The following KIF6 variants were observed in gnomAD, a reference collection of about 807,000 sequenced individuals.
KIF6 encodes kinesin-like protein KIF6.
In KIF6, 106 loss-of-function variants were observed where a neutral mutation model predicts 112.7. That is an observed-to-expected ratio of 0.94 (90% CI 0.80 to 1.11). The LOEUF (loss-of-function observed/expected upper bound fraction) is 1.11. KIF6 is among the 50% of genes least tolerant of loss of function. KIF6 has a pLI of 0.00. For missense variants in KIF6, 929 were observed against 964.0 expected, an observed-to-expected ratio of 0.96 and a Z score of 0.48; for synonymous variants, 339 against 339.9, an observed-to-expected ratio of 1.00 and a Z score of 0.03.
chr6:39,648,986 CCT>C (rs1192221499), intron 3 of KIF6, among the ~76,000 whole-genome samples: 1 of 144,512 alleles, frequency 6.9e-6, no homozygotes, highest in East Asian at 2.0e-4. Context: ...ATAGCAAGAC[CCT>C]GTCTCTGCCA....
At chr6:39,453,180 G>A (rs1772816547) in intron 13 of KIF6, among the ~76,000 whole-genome samples, 1 of 152,146 alleles carries the variant, frequency 6.6e-6, no homozygotes, top group East Asian at 1.9e-4. Flanking sequence ...TTCATTAATG[G>A]TCTTTGGCTG....
intron 22 of KIF6, among the ~76,000 whole-genome samples, chr6:39,337,146 T>TTCTC (rs1197653120): frequency 3.3e-5 from 4 of 121,146 alleles, no homozygotes; most frequent in Admixed American, 2.4e-4. Flanking sequence ...CTTCCTTCCT[T>TTCTC]TCTCTTTCTT....
chr6:39,510,536 C>A lies in KIF6; in HGVS notation c.1645+29467G>T, dbSNP rs1267460681. 2.0e-5 allele frequency among the ~76,000 whole-genome samples: 3 copies of A among 152,086 alleles called. No individual in the cohort carries two copies. In the East Asian group the frequency reaches 5.8e-4, roughly 29 times the overall value. ...CCACCAAGCCTTCCTTACCAGAGCT[C>A]CCGAAGGAATCACTAAACATGGAAA... On this transcript the variant is annotated intron_variant, in intron 13 of 22. Transcript: ENST00000287152.
intron 13 of KIF6, among the ~76,000 whole-genome samples, chr6:39,466,154 T>C (rs1170987953): frequency 6.6e-6 from 1 of 152,244 alleles, no homozygotes; most frequent in African/African-American, 2.4e-5. Flanking sequence ...CAATCAGGTT[T>C]GCTGAATACA....
At chr6:39,561,611 G>C (rs1003085829) in intron 10 of KIF6, among the ~76,000 whole-genome samples, 2 of 152,004 alleles carry the variant, frequency 1.3e-5, no homozygotes, top group Non-Finnish European at 2.9e-5. Context: ...GCCTGCCTTG[G>C]CTCCCAAAGT....
chr6:39,585,948 A>G (rs1046702779), intron 8 of KIF6, among the ~76,000 whole-genome samples: 2 of 152,200 alleles, frequency 1.3e-5, no homozygotes, highest in African/African-American at 4.8e-5. Flanking sequence ...AGAGAAGCGG[A>G]TGGGTCAGCT....
chr6:39,340,942 C>T (rs560816394), intron 22 of KIF6, among the ~76,000 whole-genome samples: 55 of 152,230 alleles, frequency 3.6e-4, no homozygotes, highest in Non-Finnish European at 6.0e-4. Context: ...CCTGCGTATC[C>T]AAGCCTTCCT....
At chr6:39,579,433 T>C (rs1028698831) in intron 9 of KIF6, among the ~76,000 whole-genome samples, 4 of 152,280 alleles carry the variant, frequency 2.6e-5, no homozygotes, top group Non-Finnish European at 5.9e-5. Flanking sequence ...GTTTTTCCTT[T>C]CCTTATTGAT....
intron 13 of KIF6, among the ~76,000 whole-genome samples, chr6:39,482,939 C>T (rs529230274): frequency 4.6e-5 from 7 of 152,190 alleles, no homozygotes; most frequent in Non-Finnish European, 5.9e-5. Flanking sequence ...GGTCTTATGA[C>T]CAACCTAGAA....
intron 13 of KIF6, among the ~76,000 whole-genome samples, chr6:39,512,799 C>T (rs187151006): frequency 6.6e-6 from 1 of 152,266 alleles, no homozygotes; most frequent in Non-Finnish European, 1.5e-5. Context: ...AGACTATGGT[C>T]TTATTGCAAA....
intron 16 of KIF6, among the ~76,000 whole-genome samples, chr6:39,370,935 T>G (rs1314617918): frequency 6.6e-6 from 1 of 152,076 alleles, no homozygotes; most frequent in African/African-American, 2.4e-5. Flanking sequence ...GGGTTACTAC[T>G]GTGTTTCTGT....
Position 39,343,318 on chromosome 6 carries a change from A to C in KIF6, c.2428+391T>G, listed in dbSNP as rs937867829. 18 of 1,295,254 alleles carry C rather than the reference A, an allele frequency of 1.4e-5. No homozygotes were observed. The highest frequency in any genetic ancestry group is 1.6e-5 in the Non-Finnish European group (16 of 992,582). The allele number at this position is 1,295,254 out of a possible 1,614,324, so 80.2% of individuals were successfully genotyped here. A position where few individuals can be genotyped will look rare whatever the true frequency, so the allele number is the denominator to read the frequency against. On this transcript the variant is annotated intron_variant, in intron 22 of 22. Coordinates refer to ENST00000287152, the MANE Select transcript of KIF6 (RefSeq NM_145027.6). The surrounding 1 kb of genome is among the most constrained non-coding windows in gnomAD (Gnocchi z 4.1). Reference sequence around the variant, plus strand: ...AGAACCACACTCTGATAGGGGAGTGAGACTTTAAGCCAGGGGTTCAACGAG... The same window carrying C: ...AGAACCACACTCTGATAGGGGAGTGCGACTTTAAGCCAGGGGTTCAACGAG...
chr6:39,362,923 A>T (rs952933014), intron 16 of KIF6, among the ~76,000 whole-genome samples: 7 of 152,156 alleles, frequency 4.6e-5, no homozygotes, highest in Admixed American at 4.6e-4. Context: ...CCGAGGCAGG[A>T]GGATCACCTG....
intron 13 of KIF6, among the ~76,000 whole-genome samples, chr6:39,494,463 T>C (rs1775655887): frequency 6.6e-6 from 1 of 152,220 alleles, no homozygotes; most frequent in African/African-American, 2.4e-5. Flanking sequence ...TAGGCATTTT[T>C]GGAGCTCTAG....
At chr6:39,510,512 C>A (rs1022144441) in intron 13 of KIF6, among the ~76,000 whole-genome samples, 1 of 152,068 alleles carries the variant, frequency 6.6e-6, no homozygotes. Context: ...ATTTTGTCAC[C>A]ACCAAGCCTT....
chr6:39,367,316 G>A (rs1014359034), intron 16 of KIF6, among the ~76,000 whole-genome samples: 6 of 152,110 alleles, frequency 3.9e-5, no homozygotes, highest in Non-Finnish European at 8.8e-5. Context: ...CCATCCCCAC[G>A]GGGACTCTGG....
At chr6:39,441,248 A>C (rs1176216987) in intron 13 of KIF6, among the ~76,000 whole-genome samples, 2 of 152,216 alleles carry the variant, frequency 1.3e-5, no homozygotes, top group Non-Finnish European at 2.9e-5. Flanking sequence ...GTTTTTCAGC[A>C]GCCTCTGCCA....
At chr6:39,369,597 G>A (rs770345150) in intron 16 of KIF6, among the ~76,000 whole-genome samples, 2 of 152,156 alleles carry the variant, frequency 1.3e-5, no homozygotes, top group Admixed American at 6.6e-5. Flanking sequence ...CTCTGTCCAA[G>A]GTTGTCCCCC....
Position 39,659,039 on chromosome 6 carries a change from T to C in KIF6, c.252-19282A>G, listed in dbSNP as rs1191465132. Among the ~76,000 whole-genome samples, 3 of 152,242 alleles carry C rather than the reference T, an allele frequency of 2.0e-5. No individual in the cohort carries two copies. In the East Asian group the frequency reaches 5.8e-4, roughly 29 times the overall value. ...CAAGAGAATCCACAATTGCTCCTAA[T>C]AACTCATTCTAGTATTAAATAGCTC... On this transcript the variant is annotated intron_variant, in intron 3 of 22. Transcript: ENST00000287152.
Sources: gnomAD v4.1 joint callset for allele counts (sites outside exome capture counted in the v4.1 genomes callset) on GRCh38, gnomAD v4.1.1 for gene constraint, Gnocchi (gnomAD v3.1) non-coding constraint, MANE v1.5 for transcripts, NCBI Gene and HGNC (gene_info 2026-07-23, HGNC 2026-07-21) for gene names.